ADGRL2: variants seen among roughly 807,000 people sequenced by gnomAD.
The protein encoded by ADGRL2 is calcium-independent alpha-latrotoxin receptor 2.
ADGRL2 carries 44 observed loss-of-function variants against 157.4 expected under a neutral mutation model. That is an observed-to-expected ratio of 0.28 (90% confidence interval 0.22 to 0.36). The LOEUF (loss-of-function observed/expected upper bound fraction) is 0.36. ADGRL2 is among the 10% of genes least tolerant of loss of function. The pLI, the probability that ADGRL2 is intolerant of heterozygous loss-of-function variation, is 1.00. For missense variants in ADGRL2, 1,510 were observed against 1,768.9 expected (o/e 0.85, Z 2.63); for synonymous variants, 585 against 624.7 (o/e 0.94, Z 0.95).
chr1:81,395,282 G>T (rs1378133293), intron 1 of ADGRL2, among the ~76,000 whole-genome samples: 1 of 152,138 alleles, frequency 6.6e-6, no homozygotes, highest in Non-Finnish European at 1.5e-5. Flanking sequence ...CTTAGGATTA[G>T]TGATGTTGAG....
intron 3 of ADGRL2, among the ~76,000 whole-genome samples, chr1:81,606,756 G>A (rs1037503115): frequency 3.3e-5 from 5 of 151,260 alleles, no homozygotes; most frequent in African/African-American, 1.2e-4. Flanking sequence ...GTGTGTGTGT[G>A]TGTGTGTGTG....
intron 2 of ADGRL2, among the ~76,000 whole-genome samples, chr1:81,524,140 C>G (rs2079393796): frequency 6.6e-6 from 1 of 152,016 alleles, no homozygotes; most frequent in African/African-American, 2.4e-5. Context: ...GCGGTTGGAT[C>G]ACGAGGTCAG....
chr1:81,787,849 C>T (rs998651143), intron 2 of ADGRL2, among the ~76,000 whole-genome samples: 1 of 152,062 alleles, frequency 6.6e-6, no homozygotes, highest in Admixed American at 6.6e-5. Flanking sequence ...ACATATACAA[C>T]CCTTTGAACA....
At chr1:81,383,398 A>C (rs1373484482) in intron 1 of ADGRL2, among the ~76,000 whole-genome samples, 1 of 152,116 alleles carries the variant, frequency 6.6e-6, no homozygotes, top group Admixed American at 6.6e-5. Flanking sequence ...GGGAGGGAGG[A>C]ACGGAATGAG....
chr1:81,649,579 T>G (rs561482193), intron 3 of ADGRL2, among the ~76,000 whole-genome samples: 1 of 152,312 alleles, frequency 6.6e-6, no homozygotes, highest in African/African-American at 2.4e-5. Context: ...TTACTCCACC[T>G]CAACTGGATT....
intron 6 of ADGRL2, among the ~76,000 whole-genome samples, chr1:81,949,979 C>A (rs947441778): frequency 6.6e-6 from 1 of 152,142 alleles, no homozygotes; most frequent in African/African-American, 2.4e-5. Flanking sequence ...TACCTACTTT[C>A]TCTTAGCCAT....
rs200524848 is a variant in ADGRL2 at position 81,461,281 on chromosome 1, CT to C, written c.-248+16202del. 5.4e-5 allele frequency among the ~76,000 whole-genome samples: 8 copies of C among 147,948 alleles called. No homozygotes were observed. In the East Asian group the frequency reaches 6.0e-4, roughly 11 times the overall value. ...AAGCTTTCTTTTTTTCTTTTCTTTT[CT>C]TTTTTTTTTCCTTTGGTTTTGGCCT... On this transcript the variant is annotated intron_variant, in intron 2 of 24. Transcript: ENST00000370721.
intron 1 of ADGRL2, among the ~76,000 whole-genome samples, chr1:81,324,576 A>G (rs1313968485): frequency 2.7e-5 from 4 of 149,892 alleles, no homozygotes; most frequent in African/African-American, 4.9e-5. Flanking sequence ...TATAAATTAT[A>G]TATGTTAAAA....
At chr1:81,389,933 C>T (rs1187929897) in intron 1 of ADGRL2, among the ~76,000 whole-genome samples, 1 of 152,162 alleles carries the variant, frequency 6.6e-6, no homozygotes, top group Non-Finnish European at 1.5e-5. Flanking sequence ...GCTAATCTGA[C>T]TTTTAATACC....
At chr1:81,848,276 T>C (rs1436797072) in intron 2 of ADGRL2, among the ~76,000 whole-genome samples, 1 of 151,890 alleles carries the variant, frequency 6.6e-6, no homozygotes, top group Non-Finnish European at 1.5e-5. Context: ...TAGAGACTCC[T>C]ATATAGGTAC....
At chr1:81,411,879 T>TAAA (rs35681432) in intron 1 of ADGRL2, among the ~76,000 whole-genome samples, 3 of 131,746 alleles carry the variant, frequency 2.3e-5, no homozygotes, top group Admixed American at 7.8e-5. Flanking sequence ...GACTCCGTCT[T>TAAA]AAAAAAAAAA....
intron 3 of ADGRL2, among the ~76,000 whole-genome samples, chr1:81,634,701 T>G (rs533716030): frequency 6.6e-6 from 1 of 152,120 alleles, no homozygotes; most frequent in African/African-American, 2.4e-5. Flanking sequence ...TTTTGTATTT[T>G]TAGTAGAGAC....
intron 1 of ADGRL2, among the ~76,000 whole-genome samples, chr1:81,387,547 C>G (rs1343314244): frequency 2.6e-5 from 4 of 151,936 alleles, no homozygotes; most frequent in Non-Finnish European, 5.9e-5. Flanking sequence ...TGTTATTGTC[C>G]TCTTTTATAG....
At chr1:81,932,812 G>A (rs1220241016) in intron 3 of ADGRL2, among the ~76,000 whole-genome samples, 2 of 152,088 alleles carry the variant, frequency 1.3e-5, no homozygotes, top group Non-Finnish European at 2.9e-5. Context: ...TCCTGCCTCT[G>A]CCTCCCGAGT....
chr1:81,863,760 A>G (rs774467861), intron 2 of ADGRL2, among the ~76,000 whole-genome samples: 130 of 152,336 alleles, frequency 8.5e-4, no homozygotes, highest in African/African-American at 1.4e-3. Flanking sequence ...AAAGATACGT[A>G]GTTGATTTGT....
chr1:81,417,137 A>T (rs61774031), intron 1 of ADGRL2, among the ~76,000 whole-genome samples: 2 of 152,046 alleles, frequency 1.3e-5, no homozygotes, highest in Non-Finnish European at 2.9e-5. Context: ...CCCGAATTAC[A>T]TTTTATAATT....
chr1:81,384,111 T>A (rs1476198600), intron 1 of ADGRL2, among the ~76,000 whole-genome samples: 3 of 152,160 alleles, frequency 2.0e-5, no homozygotes, highest in Non-Finnish European at 4.4e-5. Flanking sequence ...TGTGCAAAGA[T>A]ATATGTCAAA....
At position 81,712,814 on chromosome 1, in the gene ADGRL2, G is replaced by A. The variant is rs945972173; in HGVS notation, c.-143+13006G>A. Among the ~76,000 whole-genome samples, 16 of 143,100 alleles carry A rather than the reference G, an allele frequency of 1.1e-4. No homozygotes were observed. The Admixed American group carries it at 1.2e-3, about 10-fold the overall frequency. 93.9% of individuals were successfully genotyped at this position (143,100 alleles called of 152,430 possible). The stretch of plus-strand genomic sequence containing the variant: ...GTTTAGCTCTGCTGCCCAGGCTGGA[G>A]TGCAGTGGCATGATCTCAGCTCACT... On this transcript the variant is annotated intron_variant, in intron 1 of 20. Transcript: ENST00000359929.
intron 2 of ADGRL2, among the ~76,000 whole-genome samples, chr1:81,516,379 A>G (rs1352096814): frequency 1.3e-5 from 2 of 152,170 alleles, no homozygotes; most frequent in Non-Finnish European, 2.9e-5. Context: ...TGAAAAGTAC[A>G]AAGTGACTCA....
Sources: allele counts gnomAD v4.1 joint callset (sites outside exome capture counted in the v4.1 genomes callset), GRCh38; gene constraint gnomAD v4.1.1; transcripts MANE v1.5; gene names NCBI Gene and HGNC (gene_info 2026-07-23, HGNC 2026-07-21).